Variants in TAC1 observed in about 807,000 individuals in gnomAD.
TAC1 encodes protachykinin-1.
In TAC1, 12 loss-of-function variants were observed where a neutral mutation model predicts 21.7. The observed-to-expected ratio is 0.55, with a 90% CI of 0.35 to 0.89. The LOEUF (loss-of-function observed/expected upper bound fraction) is 0.89. Ranked by LOEUF, TAC1 falls within the 40% of genes least tolerant of loss-of-function variation. The pLI is 0.01. For synonymous variants in TAC1, 52 were observed against 52.0 expected (o/e 1.00, Z 0.00); for missense variants, 128 against 151.4 (o/e 0.85, Z 0.81).
chr7:97,734,114 A>G, intron 3 of TAC1, 134 bp from the exon 4 acceptor site: 1 of 867,052 alleles, frequency 1.2e-6, no homozygotes, highest in Non-Finnish European at 1.8e-6. Flanking sequence ...GGATGATCCA[A>G]GTGCATGTGG....
chr7:97,739,474 G>A (rs1179137651), intron 6 of TAC1, among the ~76,000 whole-genome samples: 1 of 151,978 alleles, frequency 6.6e-6, no homozygotes, highest in Non-Finnish European at 1.5e-5. Flanking sequence ...TTTGGCCCAT[G>A]GTCTCTGCTA....
chr7:97,732,740 G>A lies in TAC1; in HGVS notation c.123+5G>A, dbSNP rs200332107. On this transcript the variant is annotated splice_donor_5th_base_variant and intron_variant, in intron 2 of 6. Coordinates refer to ENST00000319273, the MANE Select transcript of TAC1 (RefSeq NM_003182.3). The surrounding 1 kb of genome is among the most constrained non-coding windows in gnomAD (Gnocchi z 6.2). ...TACGACAGCGACCAGATCAAGGTGA[G>A]GCCCCTTCCCAGGACGGCCCGCACC... is the stretch of plus-strand genomic sequence containing the variant. 184 of 1,612,988 alleles carry A rather than the reference G, an allele frequency of 1.1e-4. No homozygotes were observed. Among genetic ancestry groups the A allele is most frequent in the Non-Finnish European group, 1.4e-4 (162 of 1,179,702 alleles).
At chr7:97,734,420 ACTCT>A (rs997219289) in intron 4 of TAC1, 128 bp downstream of exon 4, 21 of 736,844 alleles carry the variant, frequency 2.8e-5, no homozygotes, top group East Asian at 2.0e-4. Flanking sequence ...GGATTTGCGC[ACTCT>A]CTCTCGGTTT....
At chr7:97,736,150 A>C in intron 5 of TAC1, 149 bp from the exon 6 acceptor site, 3 of 548,936 alleles carry the variant, frequency 5.5e-6, no homozygotes. Flanking sequence ...ACTTTTAAGG[A>C]ATCTTTATTT....
rs1198441637 is a variant in TAC1, at chr7:97,732,772, C to A, written c.123+37C>A. The stretch of plus-strand genomic sequence containing the variant: ...TCCCAGGACGGCCCGCACCCTTCTT[C>A]CTGGGCTCGGGAGCTGTCACCTTCC... On this transcript the variant is annotated intron_variant, in intron 2 of 6. Transcript: ENST00000319273. The surrounding 1 kb of genome is among the most constrained non-coding windows in gnomAD (Gnocchi z 6.2). 1 of 1,599,166 alleles carries A rather than the reference C, an allele frequency of 6.3e-7. No homozygotes were observed. Among genetic ancestry groups the A allele is most frequent in the East Asian group, 2.2e-5 (1 of 44,636 alleles).
At chr7:97,733,604 T>G in intron 2 of TAC1, 119 bp from the exon 3 acceptor site, 2 of 885,870 alleles carry the variant, frequency 2.3e-6, no homozygotes, top group South Asian at 1.6e-5. Context: ...AGCCCGAGCG[T>G]GGGGAAGGCC....
chr7:97,732,961 A>T lies in TAC1; in HGVS notation c.123+226A>T. The T allele has an allele frequency of 1.9e-6, 1 of 517,590 alleles. No individual in the cohort carries two copies. The highest frequency in any genetic ancestry group is 3.4e-6 in the Non-Finnish European group (1 of 298,038). 32.1% of individuals were successfully genotyped at this position (517,590 alleles called of 1,614,324 possible). A position where few individuals can be genotyped will look rare whatever the true frequency, so the allele number is the denominator to read the frequency against. Reference sequence around the variant, plus strand: ...GAGGGCTGCACCGTCCGGCCCAGGAACTCCCTGCAGTAGGGATGCCCTCCC... The same window carrying T: ...GAGGGCTGCACCGTCCGGCCCAGGATCTCCCTGCAGTAGGGATGCCCTCCC... On this transcript the variant is annotated intron_variant, in intron 2 of 6. Transcript: ENST00000319273. The surrounding 1 kb of genome is among the most constrained non-coding windows in gnomAD (Gnocchi z 6.2).
At chr7:97,737,135 T>A (rs1789591091) in intron 6 of TAC1, among the ~76,000 whole-genome samples, 1 of 152,018 alleles carries the variant, frequency 6.6e-6, no homozygotes, top group Non-Finnish European at 1.5e-5. Flanking sequence ...CTGATTTCAA[T>A]GTAAATAACC....
At chr7:97,733,118 C>G (rs1339094167) in intron 2 of TAC1, 2 of 189,136 alleles carry the variant, frequency 1.1e-5, no homozygotes, top group Non-Finnish European at 2.2e-5. Context: ...GCGCCTGGGT[C>G]GCGGGCAGCA....
rs1330413457 is a variant in TAC1 at position 97,732,558 on chromosome 7, T to C, written c.-9-46T>C. On this transcript the variant is annotated intron_variant, in intron 1 of 6. Transcript: ENST00000319273. The surrounding 1 kb of genome is among the most constrained non-coding windows in gnomAD (Gnocchi z 6.2). ...CTCTTGGATAACCACCCCTAATAGA[T>C]ACATTATTTCTCTCTTTGGTGTCTT... is the stretch of plus-strand genomic sequence containing the variant. 23 of 1,608,802 alleles carry C rather than the reference T, an allele frequency of 1.4e-5. No homozygotes were observed. The Admixed American group carries it at 3.7e-4, about 26-fold the overall frequency.
At chr7:97,739,434 C>T (rs1789650748) in intron 6 of TAC1, among the ~76,000 whole-genome samples, 2 of 152,130 alleles carry the variant, frequency 1.3e-5, no homozygotes, top group East Asian at 3.9e-4. Flanking sequence ...TTCCTATAAA[C>T]CTCTTTACAA....
At chr7:97,733,031 T>G in intron 2 of TAC1, 1 of 316,372 alleles carries the variant, frequency 3.2e-6, no homozygotes, top group South Asian at 5.3e-5. Context: ...TCGTAAGATT[T>G]CATCCCCCAG....
At chr7:97,734,183 C>T (rs1241484950) in intron 3 of TAC1, 65 bp from the exon 4 acceptor site, 5 of 1,479,686 alleles carry the variant, frequency 3.4e-6, no homozygotes, top group Non-Finnish European at 4.7e-6. Context: ...ATAGAAATAT[C>T]GTTTCCTTGA....
At chr7:97,733,416 A>G (rs1236931537) in intron 2 of TAC1, among the ~76,000 whole-genome samples, 1 of 152,050 alleles carries the variant, frequency 6.6e-6, no homozygotes, top group Non-Finnish European at 1.5e-5. Context: ...AGACAAAGTC[A>G]GGTGGCGGCG....
In TAC1 at chr7:97,732,790, C is replaced by A; in HGVS notation, c.123+55C>A. 1 of 1,582,734 alleles carries A rather than the reference C, an allele frequency of 6.3e-7. No individual in the cohort carries two copies. Among genetic ancestry groups the A allele is most frequent in the South Asian group, 1.1e-5 (1 of 88,090 alleles). On this transcript the variant is annotated intron_variant, in intron 2 of 6. Coordinates refer to ENST00000319273, the MANE Select transcript of TAC1 (RefSeq NM_003182.3). This position sits in a 1 kb window ranked among gnomAD's most constrained non-coding sequence, Gnocchi z 6.2. Reference sequence around the variant, plus strand: ...CCTTCTTCCTGGGCTCGGGAGCTGTCACCTTCCCACGCAACAGCACCCTAG... The same window carrying A: ...CCTTCTTCCTGGGCTCGGGAGCTGTAACCTTCCCACGCAACAGCACCCTAG...
intron 2 of TAC1, 25 bp from the exon 3 acceptor site, chr7:97,733,698 C>T: frequency 1.2e-6 from 2 of 1,613,120 alleles, no homozygotes; most frequent in Non-Finnish European, 1.7e-6. Context: ...CTTACACGCC[C>T]TTTGTCCGTG....
intron 5 of TAC1, among the ~76,000 whole-genome samples, chr7:97,736,095 T>A (rs1789569368): frequency 6.6e-6 from 1 of 152,020 alleles, no homozygotes; most frequent in Non-Finnish European, 1.5e-5. Context: ...AAATATAGAA[T>A]TAAGAAAAGT....
intron 2 of TAC1, 97 bp from the exon 3 acceptor site, chr7:97,733,626 C>A: frequency 1.6e-6 from 2 of 1,227,180 alleles, no homozygotes; most frequent in South Asian, 1.3e-5. Flanking sequence ...CCTCCCCACG[C>A]CTCGGGGCCG....
Position 97,734,056 on chromosome 7 carries a change from G to A in TAC1, c.221-192G>A, listed in dbSNP as rs570035653. The A allele has an allele frequency of 2.1e-5, 14 of 681,174 alleles. No individual in the cohort carries two copies. In the East Asian group the frequency reaches 2.2e-4, roughly 11 times the overall value. 42.2% of individuals were successfully genotyped at this position (681,174 alleles called of 1,614,324 possible). On this transcript the variant is annotated intron_variant, in intron 3 of 6. Coordinates refer to ENST00000319273, the MANE Select transcript of TAC1 (RefSeq NM_003182.3). ...CGAGTGAAGCGCTCCCTTGACTAAA[G>A]ATCCAAACTGACAAAGGGAAGGCAC...
Sources: gnomAD v4.1 joint callset for allele counts (sites outside exome capture counted in the v4.1 genomes callset) on GRCh38, gnomAD v4.1.1 for gene constraint, Gnocchi (gnomAD v3.1) non-coding constraint, MANE v1.5 for transcripts, NCBI Gene and HGNC (gene_info 2026-07-23, HGNC 2026-07-21) for gene names.